The following MTUS2 variants were observed in gnomAD, a reference collection of about 807,000 sequenced individuals.
MTUS2 encodes the protein microtubule-associated tumor suppressor candidate 2.
MTUS2 carries 40 observed loss-of-function variants against 114.1 expected under a neutral mutation model. That is an observed-to-expected ratio of 0.35 (90% CI 0.27 to 0.46). MTUS2 has a LOEUF of 0.46. MTUS2 is among the 20% of genes least tolerant of loss of function. The pLI is 1.00. For synonymous variants in MTUS2, 688 were observed against 672.0 expected, an observed-to-expected ratio of 1.02 and a Z score of -0.37; for missense variants, 1,679 against 1,705.4, an observed-to-expected ratio of 0.98 and a Z score of 0.27.
rs187731558 is a variant in MTUS2, at chr13:28,984,645, G to A, written c.-242-39812G>A. 2.4e-4 allele frequency among the ~76,000 whole-genome samples: 36 copies of A among 152,256 alleles called. No individual in the cohort carries two copies. The East Asian group carries it at 3.1e-3, about 13-fold the overall frequency. ...TGGGCTCTTTTCGAACCCCTATGAC[G>A]TAATTTGTCAAATGAGGATAAAGGA... On this transcript the variant is annotated intron_variant, in intron 2 of 15. Coordinates refer to ENST00000612955, the MANE Select transcript of MTUS2 (RefSeq NM_001033602.4).
chr13:29,377,566 T>G (rs1314750709), intron 8 of MTUS2, among the ~76,000 whole-genome samples: 1 of 152,106 alleles, frequency 6.6e-6, no homozygotes, highest in African/African-American at 2.4e-5. Context: ...AGAAAATATT[T>G]TGAACTGATG....
At chr13:29,356,278 C>G (rs1593342479) in intron 7 of MTUS2, among the ~76,000 whole-genome samples, 1 of 152,160 alleles carries the variant, frequency 6.6e-6, no homozygotes, top group African/African-American at 2.4e-5. Flanking sequence ...CACTTCTCAT[C>G]CCAGACCCAC....
chr13:29,028,950 G>A (rs1269009842), intron 3 of MTUS2, among the ~76,000 whole-genome samples: 4 of 152,156 alleles, frequency 2.6e-5, no homozygotes, highest in Non-Finnish European at 1.5e-5. Context: ...AGCTTGGTTA[G>A]ATATATTGGC....
chr13:28,833,386 G>A lies in MTUS2; in HGVS notation c.-315-6392G>A, dbSNP rs1448823944. Among the ~76,000 whole-genome samples, 3 of 152,080 alleles carry A rather than the reference G, an allele frequency of 2.0e-5. No homozygotes were observed. In the East Asian group the frequency reaches 5.8e-4, roughly 29 times the overall value. ...CGTGACTAAGTGGGATTTATCTGAG[G>A]AAGGCAACTGGTTTAACATCTGAAA... On this transcript the variant is annotated intron_variant, in intron 1 of 15. Coordinates refer to ENST00000612955, the MANE Select transcript of MTUS2 (RefSeq NM_001033602.4).
intron 5 of MTUS2, among the ~76,000 whole-genome samples, chr13:29,253,470 C>A (rs1158113942): frequency 2.0e-5 from 3 of 152,016 alleles, no homozygotes; most frequent in African/African-American, 7.2e-5. Context: ...AAATCACATC[C>A]TCCTGTGGCT....
At chr13:29,256,386 C>T (rs1267624952) in intron 5 of MTUS2, among the ~76,000 whole-genome samples, 2 of 152,150 alleles carry the variant, frequency 1.3e-5, no homozygotes, top group African/African-American at 2.4e-5. Flanking sequence ...TGAAGGGGGC[C>T]AGGTGCCAAG....
At chr13:28,950,463 C>G (rs1882753883) in intron 2 of MTUS2, among the ~76,000 whole-genome samples, 1 of 152,130 alleles carries the variant, frequency 6.6e-6, no homozygotes, top group Non-Finnish European at 1.5e-5. Flanking sequence ...TCAGATTTAC[C>G]TATTTTTACC....
At chr13:29,462,337 A>C (rs1490190559) in intron 9 of MTUS2, among the ~76,000 whole-genome samples, 2 of 152,240 alleles carry the variant, frequency 1.3e-5, no homozygotes, top group Non-Finnish European at 2.9e-5. Flanking sequence ...CGTTGACCTG[A>C]GGGAGGTGAG....
intron 6 of MTUS2, among the ~76,000 whole-genome samples, chr13:29,296,494 C>T (rs976328822): frequency 3.3e-5 from 5 of 152,184 alleles, no homozygotes; most frequent in Non-Finnish European, 5.9e-5. Context: ...CCACAACCCC[C>T]AGCCTATTTT....
At chr13:29,412,265 A>T (rs778466939) in intron 8 of MTUS2, among the ~76,000 whole-genome samples, 8 of 152,156 alleles carry the variant, frequency 5.3e-5, no homozygotes, top group Non-Finnish European at 1.0e-4. Context: ...AAAACACTTC[A>T]TTTCCTGTTT....
At chr13:29,007,782 AAT>A (rs1238854131) in intron 2 of MTUS2, among the ~76,000 whole-genome samples, 1 of 152,198 alleles carries the variant, frequency 6.6e-6, no homozygotes, top group Non-Finnish European at 1.5e-5. Flanking sequence ...GTAATAACAT[AAT>A]ATATAACGCA....
chr13:29,156,477 A>G (rs1892864685), intron 5 of MTUS2, among the ~76,000 whole-genome samples: 1 of 152,132 alleles, frequency 6.6e-6, no homozygotes, highest in South Asian at 2.1e-4. Context: ...TGTTCATTAC[A>G]AGCAAAGATG....
chr13:29,008,689 T>C (rs1333164212), intron 2 of MTUS2, among the ~76,000 whole-genome samples: 1 of 152,250 alleles, frequency 6.6e-6, no homozygotes, highest in South Asian at 2.1e-4. Flanking sequence ...TCGCTTTTAC[T>C]GTTCAGAAAT....
chr13:28,899,373 A>G (rs1160882115), intron 2 of MTUS2, among the ~76,000 whole-genome samples: 2 of 152,180 alleles, frequency 1.3e-5, no homozygotes, highest in African/African-American at 2.4e-5. Context: ...CAGCTGTTCA[A>G]ATAAGGCAAA....
intron 8 of MTUS2, among the ~76,000 whole-genome samples, chr13:29,412,452 G>A (rs1875322795): frequency 6.6e-6 from 1 of 152,092 alleles, no homozygotes; most frequent in African/African-American, 2.4e-5. Flanking sequence ...TCCATTCTGT[G>A]GTGTTAGATT....
At chr13:29,050,885 C>G (rs1887863509) in intron 4 of MTUS2, among the ~76,000 whole-genome samples, 1 of 152,034 alleles carries the variant, frequency 6.6e-6, no homozygotes, top group African/African-American at 2.4e-5. Flanking sequence ...CTGGTGTGGT[C>G]AGAGAACAGG....
chr13:29,435,804 T>C (rs202192055), intron 8 of MTUS2, among the ~76,000 whole-genome samples: 2 of 152,156 alleles, frequency 1.3e-5, no homozygotes, highest in African/African-American at 4.8e-5. Flanking sequence ...CAAGCACTTA[T>C]GGAGGAAGGG....
At chr13:28,936,056 T>G (rs1023705892) in intron 2 of MTUS2, among the ~76,000 whole-genome samples, 6 of 152,124 alleles carry the variant, frequency 3.9e-5, no homozygotes, top group Admixed American at 2.6e-4. Context: ...CCAGACTCGT[T>G]TTTTGAGGCA....
chr13:29,254,752 A>T (rs763674910), intron 5 of MTUS2, among the ~76,000 whole-genome samples: 34 of 152,246 alleles, frequency 2.2e-4, no homozygotes, highest in Non-Finnish European at 8.8e-5. Flanking sequence ...ATAGAGGAGC[A>T]CTTCACAGAA....
Sources: allele counts gnomAD v4.1 joint callset (sites outside exome capture counted in the v4.1 genomes callset), GRCh38; gene constraint gnomAD v4.1.1; transcripts MANE v1.5; gene names NCBI Gene and HGNC (gene_info 2026-07-23, HGNC 2026-07-21).